The following ATRNL1 variants were observed in gnomAD, a reference collection of about 807,000 sequenced individuals.
ATRNL1 encodes attractin like 1.
ATRNL1 carries 95 observed loss-of-function variants against 182.7 expected under a neutral mutation model. The ratio of observed to expected loss-of-function variants is 0.52; its 90% CI spans 0.44 to 0.62. The LOEUF is 0.62. ATRNL1 is among the 20% of genes least tolerant of loss of function. ATRNL1 has a pLI of 0.00. For synonymous variants in ATRNL1, 576 were observed against 568.3 expected (o/e 1.01, Z -0.19); for missense variants, 1,471 against 1,679.5 (o/e 0.88, Z 2.17).
intron 20 of ATRNL1, among the ~76,000 whole-genome samples, chr10:115,424,618 T>C (rs1845799385): frequency 6.6e-6 from 1 of 152,134 alleles, no homozygotes; most frequent in Non-Finnish European, 1.5e-5. Flanking sequence ...AATCCTGTCA[T>C]TTGGGACACA....
At chr10:115,511,363 G>A (rs55708013) in intron 24 of ATRNL1, among the ~76,000 whole-genome samples, 2,312 of 151,912 alleles carry the variant, frequency 0.015, 53 homozygotes, top group African/African-American at 0.053. Context: ...GAAACAGCCC[G>A]ATTGTCTTTA....
chr10:115,163,619 G>A (rs1177389265), intron 6 of ATRNL1, among the ~76,000 whole-genome samples: 3 of 152,058 alleles, frequency 2.0e-5, no homozygotes, highest in Non-Finnish European at 4.4e-5. Context: ...TCCCACCTCG[G>A]CTTCTCAAAG....
At chr10:115,288,221 T>C (rs1852721948) in intron 15 of ATRNL1, among the ~76,000 whole-genome samples, 3 of 152,270 alleles carry the variant, frequency 2.0e-5, no homozygotes, top group Admixed American at 1.3e-4. Context: ...ATATACTGAT[T>C]TTCTTTCCTT....
chr10:115,856,164 C>T (rs1288492881), intron 28 of ATRNL1, among the ~76,000 whole-genome samples: 2 of 152,062 alleles, frequency 1.3e-5, no homozygotes, highest in Admixed American at 6.6e-5. Flanking sequence ...CACGGTAGCT[C>T]ATGCCTGTAA....
chr10:115,183,798 A>T (rs1166527131), intron 8 of ATRNL1, among the ~76,000 whole-genome samples: 1 of 151,566 alleles, frequency 6.6e-6, no homozygotes, highest in Admixed American at 6.6e-5. Flanking sequence ...GAAACTTCCA[A>T]ATTTGTTTTA....
intron 15 of ATRNL1, among the ~76,000 whole-genome samples, chr10:115,291,096 C>G (rs1035601929): frequency 2.0e-5 from 3 of 152,180 alleles, no homozygotes; most frequent in Non-Finnish European, 4.4e-5. Context: ...CTCAATTTCA[C>G]AGGCTGCTCT....
chr10:115,700,458 C>T (rs913225379), intron 26 of ATRNL1, among the ~76,000 whole-genome samples: 2 of 152,098 alleles, frequency 1.3e-5, no homozygotes, highest in Non-Finnish European at 2.9e-5. Flanking sequence ...TGATATGAAG[C>T]ATTTTTTCAT....
chr10:115,486,328 T>C (rs945789911), intron 24 of ATRNL1, among the ~76,000 whole-genome samples: 19 of 152,186 alleles, frequency 1.2e-4, no homozygotes, highest in African/African-American at 4.6e-4. Context: ...CACACTGTCT[T>C]CCACAATGGT....
At chr10:115,792,573 C>T (rs1555081990) in intron 27 of ATRNL1, among the ~76,000 whole-genome samples, 1 of 152,132 alleles carries the variant, frequency 6.6e-6, no homozygotes, top group African/African-American at 2.4e-5. Flanking sequence ...TATCAGTGTT[C>T]TGCCTTTTCT....
At chr10:115,744,574 GTT>G (rs1948235862) in intron 27 of ATRNL1, among the ~76,000 whole-genome samples, 1 of 151,970 alleles carries the variant, frequency 6.6e-6, no homozygotes, top group African/African-American at 2.4e-5. Flanking sequence ...ATCTAAGTAA[GTT>G]TAATGTTAGT....
chr10:115,709,027 G>A (rs1399531123), intron 26 of ATRNL1, among the ~76,000 whole-genome samples: 3 of 151,714 alleles, frequency 2.0e-5, no homozygotes, highest in African/African-American at 4.8e-5. Context: ...GACAACAGTG[G>A]CATCAGTAGA....
intron 25 of ATRNL1, among the ~76,000 whole-genome samples, chr10:115,522,026 A>G (rs1850961370): frequency 6.6e-6 from 1 of 152,142 alleles, no homozygotes; most frequent in Admixed American, 6.6e-5. Flanking sequence ...CTGGTTCTCA[A>G]ACTCTTTGTT....
At chr10:115,222,221 G>A (rs1849495111) in intron 9 of ATRNL1, among the ~76,000 whole-genome samples, 1 of 151,966 alleles carries the variant, frequency 6.6e-6, no homozygotes, top group Non-Finnish European at 1.5e-5. Flanking sequence ...GCTGAAGGGG[G>A]AAATATGAAA....
At chr10:115,181,579 ATGT>A (rs1255683877) in intron 8 of ATRNL1, among the ~76,000 whole-genome samples, 2 of 151,780 alleles carry the variant, frequency 1.3e-5, no homozygotes, top group Non-Finnish European at 3.0e-5. Flanking sequence ...TGGAATTTAA[ATGT>A]TGTTATTTTC....
intron 26 of ATRNL1, among the ~76,000 whole-genome samples, chr10:115,556,878 G>C (rs1181899751): frequency 1.3e-5 from 2 of 150,832 alleles, no homozygotes; most frequent in Admixed American, 6.7e-5. Flanking sequence ...GTGTGTGTGC[G>C]TGTGTGTATC....
chr10:115,696,064 A>G (rs1946548689), intron 26 of ATRNL1, among the ~76,000 whole-genome samples: 1 of 151,948 alleles, frequency 6.6e-6, no homozygotes, highest in Admixed American at 6.6e-5. Flanking sequence ...ACACCCGGCT[A>G]ATTTTTTGTA....
chr10:115,340,176 C>T (rs1855673493), intron 19 of ATRNL1, among the ~76,000 whole-genome samples: 1 of 152,188 alleles, frequency 6.6e-6, no homozygotes. Context: ...TGGAGTCTCG[C>T]TCTGTCACCC....
At chr10:115,432,389 A>G (rs1554964183) in intron 21 of ATRNL1, among the ~76,000 whole-genome samples, 1 of 152,168 alleles carries the variant, frequency 6.6e-6, no homozygotes, top group East Asian at 1.9e-4. Context: ...GCATAATGGT[A>G]AAGCACTAGG....
intron 28 of ATRNL1, among the ~76,000 whole-genome samples, chr10:115,856,149 C>T (rs529249871): frequency 1.1e-4 from 16 of 152,138 alleles, no homozygotes; most frequent in African/African-American, 3.4e-4. Flanking sequence ...GTTTGGAAGA[C>T]CAGGCACGGT....
Sources: allele counts gnomAD v4.1 joint callset (sites outside exome capture counted in the v4.1 genomes callset), GRCh38; gene constraint gnomAD v4.1.1; transcripts MANE v1.5; gene names NCBI Gene and HGNC (gene_info 2026-07-23, HGNC 2026-07-21).